Variants in NPC1 observed in about 807,000 individuals in gnomAD.
The protein encoded by NPC1 is Niemann-Pick C1 protein.
A neutral mutation model predicts 140.4 loss-of-function variants in NPC1; 85 were observed. That is an observed-to-expected ratio of 0.61 (90% confidence interval 0.51 to 0.72). The LOEUF (loss-of-function observed/expected upper bound fraction) is 0.72, where lower values mean the gene tolerates loss of function less well. Ranked by LOEUF, NPC1 falls within the 30% of genes least tolerant of loss-of-function variation. The probability of loss-of-function intolerance (pLI) is 0.00; values close to 1 mark genes in which losing one functional copy is unlikely to be tolerated. For synonymous variants in NPC1, 656 were observed against 624.8 expected, an observed-to-expected ratio of 1.05 and a Z score of -0.74; for missense variants, 1,504 against 1,623.8, an observed-to-expected ratio of 0.93 and a Z score of 1.27.
chr18:23,548,731 T>C (rs2058825357), intron 10 of NPC1, among the ~76,000 whole-genome samples: 1 of 152,198 alleles, frequency 6.6e-6, no homozygotes, highest in Admixed American at 6.5e-5. Flanking sequence ...ATAAATAGCC[T>C]ATAAATATTT....
Position 23,556,763 on chromosome 18 carries a change from T to TG in NPC1, c.956-151dup, listed in dbSNP as rs1678764748. 9 of 1,283,466 alleles carry TG rather than the reference T, an allele frequency of 7.0e-6. No homozygotes were observed. The East Asian group carries it at 2.3e-4, about 32-fold the overall frequency. The allele number at this position is 1,283,466 out of a possible 1,614,324, so 79.5% of individuals were successfully genotyped here. A position where few individuals can be genotyped will look rare whatever the true frequency, so the allele number is the denominator to read the frequency against. ...AGACCCCTGCCCTCAGCTACCTATC[T>TG]GCTCAGCAAAGCCACCTTTGTTGGC... is the stretch of plus-strand genomic sequence containing the variant. On this transcript the variant is annotated intron_variant, in intron 7 of 24. Transcript: ENST00000269228.
chr18:23,581,253 C>A (rs2059352288), intron 1 of NPC1, among the ~76,000 whole-genome samples: 1 of 152,200 alleles, frequency 6.6e-6, no homozygotes. Flanking sequence ...GCAGGCTAAA[C>A]CCATTCCTGA....
rs757285562 is a variant in NPC1 at position 23,540,531 on chromosome 18, T to C, written c.2521A>G (p.Ile841Val). ...CTGAATGACAGAACACCCACAAATA[T>C]TGCTATCTGGAACAACAAATGAATC... ...KDWMRPIVIA[I>V]FVGVLSFSIA... Residue 841 changes from isoleucine to valine, a missense_variant, in exon 17 of 25, where the codon ATA (isoleucine) becomes GTA (valine). By Grantham distance (29) the Ile-to-Val change is conservative. Coordinates refer to ENST00000269228, the MANE Select transcript of NPC1 (RefSeq NM_000271.5). 10 of 1,609,360 alleles carry C rather than the reference T, an allele frequency of 6.2e-6. No individual in the cohort carries two copies. Among genetic ancestry groups the C allele is most frequent in the South Asian group, 4.4e-5 (4 of 90,956 alleles).
At chr18:23,513,394 A>G (rs1226150953) in intron 3 of NPC1, among the ~76,000 whole-genome samples, 1 of 152,226 alleles carries the variant, frequency 6.6e-6, no homozygotes, top group Non-Finnish European at 1.5e-5. Flanking sequence ...TTTAAGACTG[A>G]TAATACCGCA....
chr18:23,568,218 T>C (rs1034187590), intron 4 of NPC1, among the ~76,000 whole-genome samples: 2 of 152,222 alleles, frequency 1.3e-5, no homozygotes, highest in African/African-American at 4.8e-5. Flanking sequence ...CTGGACAAAA[T>C]GACCTCTCTC....
Position 23,541,202 on chromosome 18 carries a change from G to T in NPC1, c.2380C>A (p.Arg794=). Residue 794 remains arginine, a synonymous_variant, in exon 16 of 25, where the codon CGG becomes AGG. Coordinates refer to ENST00000269228, the MANE Select transcript of NPC1 (RefSeq NM_000271.5). ...GLDIKRQEKN[R]LDIFCCVRGA... ...CTGACACAGCAAAAGATGTCTAGCC[G>T]ATTTTTCTGAGGGGACAGAGGGAAA... 6.2e-7 allele frequency: 1 copy of T among 1,614,192 alleles called. No homozygotes were observed. The highest frequency in any genetic ancestry group is 8.5e-7 in the Non-Finnish European group (1 of 1,180,038).
Position 23,586,400 on chromosome 18 carries a change from G to A in NPC1, c.-57C>T. The A allele has an allele frequency of 1.3e-6, 2 of 1,528,930 alleles. No individual in the cohort carries two copies. The highest frequency in any genetic ancestry group is 1.7e-6 in the Non-Finnish European group (2 of 1,144,162). The allele number at this position is 1,528,930 out of a possible 1,614,324, so 94.7% of individuals were successfully genotyped here. A position where few individuals can be genotyped will look rare whatever the true frequency, so the allele number is the denominator to read the frequency against. ...GGCGTTCGGCTGGTTGGGCTCCCCGGAGGCGGCTCTACTTCCCCGGGCTGT... is the reference window on the plus strand; with the variant it reads ...GGCGTTCGGCTGGTTGGGCTCCCCGAAGGCGGCTCTACTTCCCCGGGCTGT... On this transcript the variant is annotated 5_prime_UTR_variant, in exon 1 of 25. Coordinates refer to ENST00000269228, the MANE Select transcript of NPC1 (RefSeq NM_000271.5).
At chr18:23,508,083 G>GGCCC in intron 3 of NPC1, 1 of 1,569,676 alleles carries the variant, frequency 6.4e-7, no homozygotes, top group Non-Finnish European at 8.7e-7. Flanking sequence ...TGTCAGTGGT[G>GGCCC]TTGAGCTGGG....
At chr18:23,538,893 A>C (rs2058671678) in intron 19 of NPC1, 19 of 568,442 alleles carry the variant, frequency 3.3e-5, no homozygotes, top group South Asian at 2.4e-4. Flanking sequence ...CATACTATGC[A>C]TCATTTTCTG....
At chr18:23,523,178 G>T (rs1315151450) in intron 1 of NPC1, among the ~76,000 whole-genome samples, 1 of 152,176 alleles carries the variant, frequency 6.6e-6, no homozygotes, top group East Asian at 1.9e-4. Flanking sequence ...CCTTTGGGTG[G>T]TCTGTTCACA....
intron 18 of NPC1, 92 bp downstream of exon 18, chr18:23,539,719 C>A: frequency 1.4e-6 from 2 of 1,404,136 alleles, no homozygotes; most frequent in Non-Finnish European, 2.0e-6. Flanking sequence ...CCAAGAAAGT[C>A]TATTTTCAGT....
rs1244123976 is a variant in NPC1 at position 23,561,407 on chromosome 18, T to C, written c.584A>G (p.Asn195Ser). ...AAAAGGTGCCTGTCCATTGTCCTTA[T>C]TGAACATGTATTCAATCCAGTTGGT... ...NATNWIEYMF[N>S]KDNGQAPFTI... Residue 195 changes from asparagine (N) to serine (S), a missense_variant, in exon 5 of 25, where the codon AAT becomes AGT. By Grantham distance (46) the Asn-to-Ser change is conservative (BLOSUM62 1). Coordinates refer to ENST00000269228, the MANE Select transcript of NPC1 (RefSeq NM_000271.5). 3 of 1,614,230 alleles carry C rather than the reference T, an allele frequency of 1.9e-6. No individual in the cohort carries two copies. Among genetic ancestry groups the C allele is most frequent in the African/African-American group, 1.3e-5 (1 of 75,056 alleles).
intron 23 of NPC1, 122 bp from the exon 24 acceptor site, chr18:23,533,639 T>C: frequency 2.0e-6 from 2 of 1,000,860 alleles, no homozygotes; most frequent in Non-Finnish European, 3.1e-6. Context: ...CCTGAGTAGC[T>C]GGGATTAAAC....
chr18:23,524,140 C>T (rs780844044), intron 1 of NPC1: 98 of 1,613,950 alleles, frequency 6.1e-5, no homozygotes, highest in Non-Finnish European at 7.3e-5. Flanking sequence ...GTCCTGCTGC[C>T]GTGACCAGCC....
At chr18:23,529,043 T>C (rs2058397975), downstream of NPC1, 1 of 1,404,452 alleles carries the variant, frequency 7.1e-7, no homozygotes, top group Admixed American at 2.4e-5. Context: ...AGGAAAAAGT[T>C]GTATCTAAGT....
At chr18:23,525,448 C>A (rs1341606069), downstream of NPC1, among the ~76,000 whole-genome samples, 1 of 151,824 alleles carries the variant, frequency 6.6e-6, no homozygotes, top group Non-Finnish European at 1.5e-5. Context: ...TATTTTGAGA[C>A]GGAATCTCGC....
rs1218989039 is a variant in NPC1 at position 23,586,322 on chromosome 18, G to A, written c.22C>T (p.Leu8Phe). ...CACAGTAGCAGCAGGAGGAGGCCAA[G>A]GGCCAGGCCGCGAGCGGTCATGCTG... is the stretch of plus-strand genomic sequence containing the variant. MTARGLA[L>F]GLLLLLLCPA... The change falls in exon 1 of 25, where the codon CTT (leucine) becomes TTT (phenylalanine). Residue 8 changes from leucine (L) to phenylalanine (F), a missense_variant. Physicochemically the swap from Leu to Phe is conservative, Grantham distance 22. Transcript: ENST00000269228. 2.6e-6 allele frequency: 4 copies of A among 1,533,956 alleles called. No homozygotes were observed. The South Asian group carries it at 4.8e-5, about 18-fold the overall frequency.
At chr18:23,562,901 CA>C (rs1327746096) in intron 4 of NPC1, among the ~76,000 whole-genome samples, 3 of 152,126 alleles carry the variant, frequency 2.0e-5, no homozygotes, top group Non-Finnish European at 4.4e-5. Flanking sequence ...ATGTAATTTA[CA>C]ATTTACCCCC....
chr18:23,556,688 A>G, intron 7 of NPC1, 75 bp from the exon 8 acceptor site: 2 of 1,581,516 alleles, frequency 1.3e-6, no homozygotes, highest in Non-Finnish European at 1.7e-6. Context: ...CAGGGAAAGC[A>G]TTAGTTGCTA....
Sources: allele counts gnomAD v4.1 joint callset (sites outside exome capture counted in the v4.1 genomes callset), GRCh38; gene constraint gnomAD v4.1.1; transcripts MANE v1.5; gene names NCBI Gene and HGNC (gene_info 2026-07-23, HGNC 2026-07-21).